The following TRABD2B variants were observed in gnomAD, a reference collection of about 807,000 sequenced individuals.
The protein encoded by TRABD2B is metalloprotease TIKI2.
A neutral mutation model predicts 40.1 loss-of-function variants in TRABD2B; 14 were observed. That is an observed-to-expected ratio of 0.35 (90% CI 0.23 to 0.55). The LOEUF (loss-of-function observed/expected upper bound fraction) is 0.55. Among genes scored for constraint, TRABD2B ranks in the 20% least tolerant of loss-of-function variants. The probability of loss-of-function intolerance (pLI) is 0.90; values close to 1 mark genes in which losing one functional copy is unlikely to be tolerated. For synonymous variants in TRABD2B, 263 were observed against 277.0 expected (o/e 0.95, Z 0.50); for missense variants, 541 against 648.6 (o/e 0.83, Z 1.80).
At position 47,903,604 on chromosome 1, in the gene TRABD2B, C is replaced by A. The variant is rs1644633921; in HGVS notation, c.666+90430G>T. On this transcript the variant is annotated intron_variant, in intron 2 of 6. Coordinates refer to ENST00000606738, the MANE Select transcript of TRABD2B (RefSeq NM_001194986.2). ...GCGGGGTGGAGTCAAGGCTTGAGAC[C>A]CTGAGAAAATAGTTGGAAGGGAAGC... Among the ~76,000 whole-genome samples, 2 of 151,892 alleles carry A rather than the reference C, an allele frequency of 1.3e-5. 1 individual carries two copies. The highest frequency in any genetic ancestry group is 4.2e-4 in the South Asian group (2 of 4,806).
At position 47,994,845 on chromosome 1, in the gene TRABD2B, G is replaced by T. The variant is rs1646067428; in HGVS notation, c.103-248C>A. On this transcript the variant is annotated intron_variant, in intron 1 of 6. Coordinates refer to ENST00000606738, the MANE Select transcript of TRABD2B (RefSeq NM_001194986.2). This position sits in a 1 kb window ranked among gnomAD's most constrained non-coding sequence, Gnocchi z 6.7. ...GGCTCAGTTTCCTCATCTGTAAAATGGGGGTGAAAGCAACTACCTCGGGTT... is the reference window on the plus strand; with the variant it reads ...GGCTCAGTTTCCTCATCTGTAAAATTGGGGTGAAAGCAACTACCTCGGGTT... 6.6e-6 allele frequency among the ~76,000 whole-genome samples: 1 copy of T among 152,188 alleles called. No homozygotes were observed.
At position 47,994,400 on chromosome 1, in the gene TRABD2B, G is replaced by C; in HGVS notation, c.300C>G (p.Cys100Trp). 6.5e-7 allele frequency: 1 copy of C among 1,536,174 alleles called. No individual in the cohort carries two copies. Among genetic ancestry groups the C allele is most frequent in the Non-Finnish European group, 8.7e-7 (1 of 1,146,920 alleles). Residue 100 changes from cysteine to tryptophan, a missense_variant, in exon 2 of 7, where the codon TGC becomes TGG. Physicochemically the swap from Cys to Trp is radical, Grantham distance 215 (BLOSUM62 -2). This residue lies in a region of TRABD2B where 369 missense variants were observed against 492.8 expected (regional missense o/e 0.75). Transcript: ENST00000606738. This position sits in a 1 kb window ranked among gnomAD's most constrained non-coding sequence, Gnocchi z 6.7. ...GGTTTTCCCCGTGCGGCAGCAGCTG[G>C]CAGCTGGCCAGGGCCGAGATGGTGT... The part of the protein sequence containing the change: ...DPYTISALAS[C>W]QLLPHGENLQ...
At chr1:47,930,937 G>A (rs1233694336) in intron 2 of TRABD2B, among the ~76,000 whole-genome samples, 1 of 152,190 alleles carries the variant, frequency 6.6e-6, no homozygotes, top group African/African-American at 2.4e-5. Flanking sequence ...CCTGATGGGA[G>A]CAATGTAAAA....
intron 2 of TRABD2B, among the ~76,000 whole-genome samples, chr1:47,832,000 G>T (rs1452457379): frequency 1.3e-5 from 2 of 152,180 alleles, no homozygotes; most frequent in Non-Finnish European, 2.9e-5. Flanking sequence ...ATGATCACTG[G>T]TGTCTGCCTG....
chr1:47,980,390 C>T (rs145600487), intron 2 of TRABD2B, among the ~76,000 whole-genome samples: 65 of 152,290 alleles, frequency 4.3e-4, no homozygotes, highest in African/African-American at 1.5e-3. Context: ...TCCTAGACAG[C>T]AAGAATACAG....
chr1:47,865,672 C>A lies in TRABD2B; in HGVS notation c.667-64053G>T, dbSNP rs896409713. The stretch of plus-strand genomic sequence containing the variant: ...CTCATCCTCTTTCTGAGCCTGTTTT[C>A]TCACTTTAAAATAAAGGGTTTAGAC... On this transcript the variant is annotated intron_variant, in intron 2 of 6. Coordinates refer to ENST00000606738, the MANE Select transcript of TRABD2B (RefSeq NM_001194986.2). 3.9e-5 allele frequency among the ~76,000 whole-genome samples: 6 copies of A among 152,160 alleles called. No homozygotes were observed. In the East Asian group the frequency reaches 1.2e-3, roughly 29 times the overall value.
chr1:47,784,437 GA>G (rs1644567782), intron 4 of TRABD2B, among the ~76,000 whole-genome samples: 1 of 152,146 alleles, frequency 6.6e-6, no homozygotes, highest in Non-Finnish European at 1.5e-5. Context: ...GGGAGGAGGG[GA>G]GAACCAGATG....
intron 2 of TRABD2B, among the ~76,000 whole-genome samples, chr1:47,958,208 A>G: frequency 6.9e-6 from 1 of 145,672 alleles, no homozygotes; most frequent in Admixed American, 7.0e-5. Flanking sequence ...TCCTGAAGGA[A>G]GCACTAAACA....
At chr1:47,772,155 G>A (rs979455718) in intron 6 of TRABD2B, among the ~76,000 whole-genome samples, 1 of 152,038 alleles carries the variant, frequency 6.6e-6, no homozygotes, top group Admixed American at 6.5e-5. Context: ...AGGTCTGCCT[G>A]ACTCTCTGCC....
chr1:47,972,509 A>AC (rs765982383), intron 2 of TRABD2B, among the ~76,000 whole-genome samples: 45 of 152,242 alleles, frequency 3.0e-4, no homozygotes, highest in Admixed American at 2.5e-3. Context: ...TATAAAAGAG[A>AC]CCCCAGAGAG....
chr1:47,921,453 C>T (rs1644900790), intron 2 of TRABD2B, among the ~76,000 whole-genome samples: 1 of 152,210 alleles, frequency 6.6e-6, no homozygotes, highest in Non-Finnish European at 1.5e-5. Context: ...CAGACTGTGA[C>T]ACACACAACT....
At chr1:47,926,286 AG>A (rs1265255495) in intron 2 of TRABD2B, among the ~76,000 whole-genome samples, 25 of 152,196 alleles carry the variant, frequency 1.6e-4, no homozygotes, top group African/African-American at 5.5e-4. Flanking sequence ...CCCAAGGATA[AG>A]ACTGGGGAAG....
chr1:47,773,460 T>C (rs900325512), intron 6 of TRABD2B, among the ~76,000 whole-genome samples: 2 of 152,234 alleles, frequency 1.3e-5, no homozygotes, highest in African/African-American at 2.4e-5. Context: ...ACTCCCATAA[T>C]TCCCACGTGT....
At chr1:47,862,259 T>C (rs1244610482) in intron 2 of TRABD2B, among the ~76,000 whole-genome samples, 1 of 152,132 alleles carries the variant, frequency 6.6e-6, no homozygotes, top group Non-Finnish European at 1.5e-5. Context: ...ATTAAGAAAA[T>C]GAAATAAAAT....
intron 2 of TRABD2B, among the ~76,000 whole-genome samples, chr1:47,808,498 A>G (rs1644921545): frequency 6.6e-6 from 1 of 152,194 alleles, no homozygotes; most frequent in Non-Finnish European, 1.5e-5. Flanking sequence ...ATATGTGAGG[A>G]GAAGCAGAGG....
At chr1:47,972,600 A>G (rs1570395212) in intron 2 of TRABD2B, among the ~76,000 whole-genome samples, 1 of 152,194 alleles carries the variant, frequency 6.6e-6, no homozygotes, top group African/African-American at 2.4e-5. Context: ...CCTTACCAGA[A>G]CCCGAACATG....
intron 2 of TRABD2B, among the ~76,000 whole-genome samples, chr1:47,957,445 CAAAAAAGCTAAAAACCTTG>C (rs924141685): frequency 6.6e-6 from 1 of 152,094 alleles, no homozygotes; most frequent in African/African-American, 2.4e-5. Context: ...CAATCCATCA[CAAAAAAGCTAAAAACCTTG>C]AAAAAAGATT....
At chr1:47,866,907 T>C (rs547606161) in intron 2 of TRABD2B, among the ~76,000 whole-genome samples, 4 of 152,290 alleles carry the variant, frequency 2.6e-5, no homozygotes, top group South Asian at 2.1e-4. Flanking sequence ...AGGCCCAGAT[T>C]TGATTGCAAA....
At chr1:47,854,815 GTATTT>G (rs1302706554) in intron 2 of TRABD2B, among the ~76,000 whole-genome samples, 20 of 152,298 alleles carry the variant, frequency 1.3e-4, no homozygotes, top group Admixed American at 1.3e-3. Context: ...GAAGTTTGTA[GTATTT>G]TATTTAAAAA....
Sources: gnomAD v4.1 joint callset for allele counts (sites outside exome capture counted in the v4.1 genomes callset) on GRCh38, gnomAD v4.1.1 for gene constraint, gnomAD v4.1.1 regional missense constraint, Gnocchi (gnomAD v3.1) non-coding constraint, MANE v1.5 for transcripts, NCBI Gene and HGNC (gene_info 2026-07-23, HGNC 2026-07-21) for gene names.